The following LYPLAL1 variants were observed in gnomAD, a reference collection of about 807,000 sequenced individuals.
LYPLAL1 encodes the protein lysophospholipase-like protein 1.
A neutral mutation model predicts 19.7 loss-of-function variants in LYPLAL1; 23 were observed. That is an observed-to-expected ratio of 1.17 (90% CI 0.84 to 1.65). The LOEUF is 1.65. Among genes scored for constraint, LYPLAL1 ranks in the 40% most tolerant of loss-of-function variants. LYPLAL1 has a pLI of 0.00. For synonymous variants in LYPLAL1, 119 were observed against 96.3 expected (o/e 1.24, Z -1.38); for missense variants, 355 against 279.4 (o/e 1.27, Z -1.93).
At chr1:219,321,355 G>A in the LYPLAL1 span, among the ~76,000 whole-genome samples, 1 of 152,108 alleles carries the variant, frequency 6.6e-6, no homozygotes, top group Non-Finnish European at 1.5e-5. Context: ...TTTGTCAGAT[G>A]GGTAGATTGC....
chr1:219,191,785 GA>G (rs1349226474), intron 2 of LYPLAL1, among the ~76,000 whole-genome samples: 3 of 151,298 alleles, frequency 2.0e-5, no homozygotes, highest in Non-Finnish European at 4.4e-5. Flanking sequence ...TAAACTTAGG[GA>G]AAACATTTAA....
At chr1:219,327,092 G>A in the LYPLAL1 span, among the ~76,000 whole-genome samples, 1 of 151,990 alleles carries the variant, frequency 6.6e-6, no homozygotes, top group African/African-American at 2.4e-5. Context: ...GCTAGACCCC[G>A]TCTCAAAAAA....
chr1:219,301,676 C>A, the LYPLAL1 span, among the ~76,000 whole-genome samples: 3 of 152,106 alleles, frequency 2.0e-5, no homozygotes, highest in Non-Finnish European at 4.4e-5. Context: ...CAATTGCCCC[C>A]CAGAAAATAT....
At chr1:219,368,924 A>G in the LYPLAL1 span, among the ~76,000 whole-genome samples, 1 of 152,228 alleles carries the variant, frequency 6.6e-6, no homozygotes, top group Non-Finnish European at 1.5e-5. Flanking sequence ...GCACTACACG[A>G]ATATTTTTTC....
the LYPLAL1 span, among the ~76,000 whole-genome samples, chr1:219,335,750 G>A: frequency 3.2e-4 from 48 of 151,524 alleles, no homozygotes; most frequent in African/African-American, 9.2e-4. Flanking sequence ...ACTTTAATGC[G>A]CCCAGAATTG....
the LYPLAL1 span, among the ~76,000 whole-genome samples, chr1:219,323,118 A>G: frequency 5.3e-5 from 8 of 152,210 alleles, no homozygotes; most frequent in Non-Finnish European, 1.0e-4. Flanking sequence ...AAACAGCGGG[A>G]CAACCATGGG....
chr1:219,290,663 C>T, the LYPLAL1 span, among the ~76,000 whole-genome samples: 13 of 152,064 alleles, frequency 8.5e-5, no homozygotes, highest in Admixed American at 2.0e-4. Context: ...TCTCTGTCTG[C>T]GGAATAGCTA....
At chr1:219,405,834 T>C in the LYPLAL1 span, among the ~76,000 whole-genome samples, 1 of 152,206 alleles carries the variant, frequency 6.6e-6, no homozygotes, top group Non-Finnish European at 1.5e-5. Context: ...CCCTGATTGC[T>C]TCCTCATTAG....
At chr1:219,192,015 TA>T (rs1657224249) in intron 2 of LYPLAL1, among the ~76,000 whole-genome samples, 1 of 151,564 alleles carries the variant, frequency 6.6e-6, no homozygotes, top group Admixed American at 6.6e-5. Flanking sequence ...TCAAGCCCCT[TA>T]AGTGGATGTC....
chr1:219,336,973 T>C, the LYPLAL1 span, among the ~76,000 whole-genome samples: 8 of 151,936 alleles, frequency 5.3e-5, no homozygotes, highest in Non-Finnish European at 1.2e-4. Flanking sequence ...AGCGGGGCTG[T>C]TTTTTCTGAA....
the LYPLAL1 span, chr1:219,410,189 G>A: frequency 6.6e-6 from 1 of 152,124 alleles, no homozygotes; most frequent in Non-Finnish European, 1.5e-5. Flanking sequence ...GAATTTTCTG[G>A]CCTTTTTCTT....
intron 2 of LYPLAL1, among the ~76,000 whole-genome samples, chr1:219,189,786 C>A (rs1369798835): frequency 1.3e-5 from 2 of 151,484 alleles, no homozygotes; most frequent in Admixed American, 1.3e-4. Flanking sequence ...GACAATAATG[C>A]AATATTAATT....
the LYPLAL1 span, among the ~76,000 whole-genome samples, chr1:219,313,744 A>G: frequency 2.6e-5 from 4 of 152,146 alleles, no homozygotes; most frequent in Non-Finnish European, 5.9e-5. Flanking sequence ...CATGTTGGCC[A>G]GGCTGGTCTC....
At chr1:219,195,538 G>A (rs544797744) in intron 3 of LYPLAL1, among the ~76,000 whole-genome samples, 1 of 152,164 alleles carries the variant, frequency 6.6e-6, no homozygotes, top group African/African-American at 2.4e-5. Context: ...GGTAACTGCT[G>A]TCCATTTGTC....
the LYPLAL1 span, among the ~76,000 whole-genome samples, chr1:219,310,956 G>A: frequency 1.3e-5 from 2 of 152,176 alleles, no homozygotes; most frequent in African/African-American, 4.8e-5. Flanking sequence ...GTTGATGAAG[G>A]TGAAGCATTT....
At chr1:219,218,938 A>T in the LYPLAL1 span, among the ~76,000 whole-genome samples, 2 of 152,258 alleles carry the variant, frequency 1.3e-5, no homozygotes, top group African/African-American at 4.8e-5. Context: ...AAGGGTGTGC[A>T]TTAGGAGGCC....
At chr1:219,411,589 C>CG in the LYPLAL1 span, 2 of 152,030 alleles carry the variant, frequency 1.3e-5, no homozygotes, top group African/African-American at 4.8e-5. Flanking sequence ...GCAGGCTGCC[C>CG]GAGCCAGCAT....
the LYPLAL1 span, among the ~76,000 whole-genome samples, chr1:219,288,340 T>C: frequency 6.6e-6 from 1 of 152,136 alleles, no homozygotes; most frequent in East Asian, 1.9e-4. Flanking sequence ...CTTAAGTGCA[T>C]ATTTTACTAA....
the LYPLAL1 span, among the ~76,000 whole-genome samples, chr1:219,283,765 G>T: frequency 2.0e-5 from 3 of 152,134 alleles, no homozygotes; most frequent in Non-Finnish European, 4.4e-5. Flanking sequence ...AGATTGTATT[G>T]CTGCATTTGT....
Sources: allele counts gnomAD v4.1 joint callset (sites outside exome capture counted in the v4.1 genomes callset), GRCh38; gene constraint gnomAD v4.1.1; transcripts MANE v1.5; gene names NCBI Gene and HGNC (gene_info 2026-07-23, HGNC 2026-07-21).